Variants in COL22A1 observed in about 807,000 individuals in gnomAD.
COL22A1 encodes the protein collagen type XXII alpha 1 chain.
In COL22A1, 221 loss-of-function variants were observed where a neutral mutation model predicts 248.9. The observed-to-expected ratio is 0.89, with a 90% CI of 0.80 to 0.99. COL22A1 has a LOEUF of 0.99. Among genes scored for constraint, COL22A1 ranks in the 50% least tolerant of loss-of-function variants. The pLI, the probability that COL22A1 is intolerant of heterozygous loss-of-function variation, is 0.00. For synonymous variants in COL22A1, 891 were observed against 793.4 expected (o/e 1.12, Z -2.07); for missense variants, 2,240 against 2,179.0 (o/e 1.03, Z -0.56).
chr8:138,598,071 T>G (rs941016889), intron 61 of COL22A1, among the ~76,000 whole-genome samples: 1 of 152,248 alleles, frequency 6.6e-6, no homozygotes, highest in Admixed American at 6.5e-5. Flanking sequence ...AGTGGTCACA[T>G]GGACTTCCAC....
chr8:138,624,375 GC>G (rs1286994638), intron 51 of COL22A1, among the ~76,000 whole-genome samples: 2 of 152,136 alleles, frequency 1.3e-5, no homozygotes, highest in Non-Finnish European at 2.9e-5. Flanking sequence ...TTCACAAGGT[GC>G]CAGGGAAGTA....
chr8:138,907,806 G>T (rs1815137128), intron 1 of COL22A1, among the ~76,000 whole-genome samples: 1 of 152,138 alleles, frequency 6.6e-6, no homozygotes, highest in Admixed American at 6.5e-5. Context: ...AGGACCCACA[G>T]GCCAAATTCA....
chr8:138,703,735 A>G (rs1284626406), intron 30 of COL22A1, among the ~76,000 whole-genome samples: 2 of 152,148 alleles, frequency 1.3e-5, no homozygotes, highest in African/African-American at 4.8e-5. Flanking sequence ...CAGGTGATTT[A>G]TGCATTCCAG....
chr8:138,720,895 C>G lies in COL22A1; in HGVS notation c.2302-103G>C. ...TGGAAGGAAGAGAACTACCTGCACT[C>G]GGGTGGTTTTGAACTGCTTCAACTC... is the stretch of plus-strand genomic sequence containing the variant. On this transcript the variant is annotated intron_variant, in intron 26 of 64. Transcript: ENST00000303045. The G allele has an allele frequency of 6.2e-6, 6 of 964,182 alleles. No homozygotes were observed. The South Asian group carries it at 7.8e-5, about 12-fold the overall frequency. 59.7% of individuals were successfully genotyped at this position (964,182 alleles called of 1,614,324 possible).
rs544298098 is a variant in COL22A1, at chr8:138,730,292, G to C, written c.2140-4852C>G. Among the ~76,000 whole-genome samples, 5 of 152,316 alleles carry C rather than the reference G, an allele frequency of 3.3e-5. No individual in the cohort carries two copies. The South Asian group carries it at 1.0e-3, about 32-fold the overall frequency. On this transcript the variant is annotated intron_variant, in intron 23 of 64. Coordinates refer to ENST00000303045, the MANE Select transcript of COL22A1 (RefSeq NM_152888.3). Reference sequence around the variant, plus strand: ...GGGAGAGGGGCAGTGGGCAGGCACAGCTTTGATCCTTAAAGCCAAGGACCT... The same window carrying C: ...GGGAGAGGGGCAGTGGGCAGGCACACCTTTGATCCTTAAAGCCAAGGACCT...
intron 32 of COL22A1, among the ~76,000 whole-genome samples, chr8:138,699,523 A>G (rs1827781300): frequency 6.6e-6 from 1 of 152,234 alleles, no homozygotes. Flanking sequence ...CTATTTTCTG[A>G]AGAGCCATTC....
rs56651474 is a variant in COL22A1 at position 138,691,892 on chromosome 8, A to T, written c.2755-1018T>A. Among the ~76,000 whole-genome samples, 233 of 70,040 alleles carry T rather than the reference A, an allele frequency of 3.3e-3. 3 individuals carry two copies. The highest frequency in any genetic ancestry group is 5.2e-3 in the Non-Finnish European group (176 of 33,640). 45.9% of individuals were successfully genotyped at this position (70,040 alleles called of 152,430 possible). A position where few individuals can be genotyped will look rare whatever the true frequency, so the allele number is the denominator to read the frequency against. ...CATGTTTGTGGAGGTGTATGTGTGG[A>T]GGTGTATGTGTGCACGTGCATGTGT... On this transcript the variant is annotated intron_variant, in intron 35 of 64. Coordinates refer to ENST00000303045, the MANE Select transcript of COL22A1 (RefSeq NM_152888.3).
chr8:138,737,604 T>C, intron 22 of COL22A1, 27 bp from the exon 23 acceptor site: 1 of 1,544,480 alleles, frequency 6.5e-7, no homozygotes, highest in Non-Finnish European at 8.9e-7. Context: ...AAGCTAAAAT[T>C]AACAAGCAGG....
chr8:138,817,106 C>G (rs1374786700), intron 7 of COL22A1, among the ~76,000 whole-genome samples: 1 of 152,152 alleles, frequency 6.6e-6, no homozygotes, highest in Non-Finnish European at 1.5e-5. Context: ...AGGCCACTGG[C>G]CTGGGTGTTT....
intron 10 of COL22A1, among the ~76,000 whole-genome samples, chr8:138,805,598 T>G (rs1360504247): frequency 6.9e-6 from 1 of 144,800 alleles, no homozygotes; most frequent in Non-Finnish European, 1.5e-5. Context: ...TATGTGTTTG[T>G]GATGGTGTGG....
chr8:138,858,325 G>A (rs989628002), intron 3 of COL22A1, among the ~76,000 whole-genome samples: 1 of 152,084 alleles, frequency 6.6e-6, no homozygotes, highest in Non-Finnish European at 1.5e-5. Flanking sequence ...CACAGAGCAC[G>A]GTCCTACTGG....
intron 16 of COL22A1, among the ~76,000 whole-genome samples, chr8:138,768,552 A>C (rs966753531): frequency 6.6e-6 from 1 of 152,212 alleles, no homozygotes; most frequent in South Asian, 2.1e-4. Context: ...AGGAATATGT[A>C]AAGTACCCTT....
intron 46 of COL22A1, among the ~76,000 whole-genome samples, chr8:138,648,904 A>G (rs1443387472): frequency 6.6e-6 from 1 of 152,144 alleles, no homozygotes; most frequent in Non-Finnish European, 1.5e-5. Context: ...TCTGTAATGG[A>G]CTTTATCTGC....
intron 7 of COL22A1, among the ~76,000 whole-genome samples, chr8:138,816,302 T>G (rs1202145641): frequency 6.6e-6 from 1 of 152,144 alleles, no homozygotes; most frequent in Non-Finnish European, 1.5e-5. Flanking sequence ...AATGCCAGCA[T>G]TGCCCCAGCC....
At chr8:138,855,788 C>T (rs1429311270) in intron 3 of COL22A1, among the ~76,000 whole-genome samples, 1 of 152,194 alleles carries the variant, frequency 6.6e-6, no homozygotes, top group East Asian at 1.9e-4. Flanking sequence ...GGAGCCTCCA[C>T]CCCACACCCA....
chr8:138,853,747 T>C (rs1251189500), intron 3 of COL22A1, among the ~76,000 whole-genome samples: 1 of 152,176 alleles, frequency 6.6e-6, no homozygotes, highest in East Asian at 1.9e-4. Flanking sequence ...AATCCCTAGA[T>C]TTGGCAAGCA....
intron 43 of COL22A1, among the ~76,000 whole-genome samples, chr8:138,661,246 GA>G (rs1388441748): frequency 7.2e-5 from 11 of 152,012 alleles, no homozygotes; most frequent in African/African-American, 2.4e-4. Context: ...TGAATATTTT[GA>G]AGCAGGAATA....
intron 18 of COL22A1, among the ~76,000 whole-genome samples, chr8:138,759,404 C>T (rs566851928): frequency 1.3e-5 from 2 of 152,268 alleles, no homozygotes; most frequent in South Asian, 4.1e-4. Context: ...GGATGTCTCC[C>T]GTCTCAGCCC....
chr8:138,720,665 C>T lies in COL22A1; in HGVS notation c.2355+74G>A, dbSNP rs540544611. 1.2e-5 allele frequency: 14 copies of T among 1,206,434 alleles called. 1 individual carries two copies. The highest frequency in any genetic ancestry group is 6.1e-5 in the South Asian group (5 of 82,602). The allele number at this position is 1,206,434 out of a possible 1,614,324, so 74.7% of individuals were successfully genotyped here. On this transcript the variant is annotated intron_variant, in intron 27 of 64. Coordinates refer to ENST00000303045, the MANE Select transcript of COL22A1 (RefSeq NM_152888.3). ...TATAGACGCTATGCTTATGGTAAGT[C>T]GAGATTCACACACCACCCCAAATAG...
Sources: allele counts gnomAD v4.1 joint callset (sites outside exome capture counted in the v4.1 genomes callset), GRCh38; gene constraint gnomAD v4.1.1; transcripts MANE v1.5; gene names NCBI Gene and HGNC (gene_info 2026-07-23, HGNC 2026-07-21).